Variants in EPHA1 observed in about 807,000 individuals in gnomAD.
EPHA1 encodes ephrin type-A receptor 1.
Under a neutral mutation model 110.1 loss-of-function variants are expected in EPHA1, and 92 were observed. That is an observed-to-expected ratio of 0.84 (90% CI 0.71 to 0.99). The LOEUF (loss-of-function observed/expected upper bound fraction) is 0.99. Ranked by LOEUF, EPHA1 falls within the 50% of genes least tolerant of loss-of-function variation. The probability of loss-of-function intolerance (pLI) is 0.00; values close to 1 mark genes in which losing one functional copy is unlikely to be tolerated. For missense variants in EPHA1, 1,204 were observed against 1,285.4 expected, an observed-to-expected ratio of 0.94 and a Z score of 0.97; for synonymous variants, 500 against 516.1, an observed-to-expected ratio of 0.97 and a Z score of 0.42.
At chr7:143,407,138 C>T (rs573106900) in intron 2 of EPHA1, among the ~76,000 whole-genome samples, 2 of 152,234 alleles carry the variant, frequency 1.3e-5, no homozygotes, top group East Asian at 1.9e-4. Flanking sequence ...AAAAAATGCC[C>T]GCTTACATAT....
chr7:143,402,453 C>T (rs997887520), intron 2 of EPHA1, among the ~76,000 whole-genome samples: 1 of 152,110 alleles, frequency 6.6e-6, no homozygotes, highest in African/African-American at 2.4e-5. Context: ...AGTGCAGTGG[C>T]ACAATCTTGG....
Position 143,393,718 on chromosome 7 carries a change from C to T in EPHA1, c.2649G>A (p.Leu883=), listed in dbSNP as rs1421874597. The T allele has an allele frequency of 3.7e-6, 6 of 1,613,750 alleles. No homozygotes were observed. The highest frequency in any genetic ancestry group is 5.1e-6 in the Non-Finnish European group (6 of 1,179,948). Residue 883 remains leucine, a synonymous_variant, in exon 16 of 18, where the codon CTG becomes CTA. Transcript: ENST00000275815. This position sits in a 1 kb window ranked among gnomAD's most constrained non-coding sequence, Gnocchi z 5.6. ...TCCGCAGGGAGTGGGGGTTGGCAAG[C>T]AGTTGCTCCAGATGTGCCTGAAGCT... ...FQKLQAHLEQ[L]LANPHSLRTI...
intron 2 of EPHA1, among the ~76,000 whole-genome samples, chr7:143,404,349 TG>T (rs967122050): frequency 1.6e-4 from 25 of 152,100 alleles, no homozygotes; most frequent in African/African-American, 5.5e-4. Context: ...CCCAAGTAGC[TG>T]GGACTACAGG....
Position 143,394,348 on chromosome 7 carries a change from GAA to G in EPHA1, c.2353-7_2353-6del. ...ACGGATAGGGATCTTTCCTCCCTAA[GAA>G]GGCACATGGGTCAGGGACGGAAAGT... On this transcript the variant is annotated splice_polypyrimidine_tract_variant and splice_region_variant and intron_variant, in intron 14 of 17. Coordinates refer to ENST00000275815, the MANE Select transcript of EPHA1 (RefSeq NM_005232.5). 6.2e-7 allele frequency: 1 copy of G among 1,613,416 alleles called. No individual in the cohort carries two copies. The highest frequency in any genetic ancestry group is 1.7e-5 in the Admixed American group (1 of 59,972).
rs771722161 is a variant in EPHA1, at chr7:143,399,907, G to C, written c.579C>G (p.Ala193=). Residue 193 remains alanine (A), a synonymous_variant, in exon 4 of 18, where the codon GCC becomes GCG. Transcript: ENST00000275815. ...GGTAGAAGACCCGGACAGACACCAG[G>C]GCCACACAGGCACCCGGGTTGTGGA... The part of the protein sequence containing the change: ...LAFHNPGACV[A]LVSVRVFYQR... The C allele has an allele frequency of 1.4e-5, 23 of 1,612,314 alleles. No individual in the cohort carries two copies. The highest frequency in any genetic ancestry group is 1.0e-4 in the Admixed American group (6 of 59,776).
At position 143,396,835 on chromosome 7, in the gene EPHA1, T is replaced by C. The variant is rs575906746; in HGVS notation, c.1772-325A>G. 5.9e-5 allele frequency among the ~76,000 whole-genome samples: 9 copies of C among 152,258 alleles called. No individual in the cohort carries two copies. In the South Asian group the frequency reaches 1.4e-3, roughly 24 times the overall value. Reference sequence around the variant, plus strand: ...ACTGCTCTGGTCAGTCACACCTCGTTCACATTCCCAGACAGAGCCGCGCAT... The same window carrying C: ...ACTGCTCTGGTCAGTCACACCTCGTCCACATTCCCAGACAGAGCCGCGCAT... On this transcript the variant is annotated intron_variant, in intron 10 of 17. Transcript: ENST00000275815.
intron 5 of EPHA1, 39 bp from the exon 6 acceptor site, chr7:143,398,984 G>T: frequency 6.6e-7 from 1 of 1,512,676 alleles, no homozygotes; most frequent in Non-Finnish European, 8.9e-7. Flanking sequence ...AGCCGACCTC[G>T]CTGTCACCCG....
rs766464624 is a variant in EPHA1 at position 143,393,767 on chromosome 7, C to T, written c.2600G>A (p.Arg867His). ...ELMKNCWAYD[R>H]ARRPHFQKLQ... ...CTTCTGGAAGTGTGGCCGGCGGGCA[C>T]GGTCATATGCCCAGCAGTTCTTCAT... The change falls in exon 16 of 18, where the codon CGT becomes CAT. Residue 867 changes from arginine (R) to histidine (H), a missense_variant. Transcript: ENST00000275815. The surrounding 1 kb of genome is among the most constrained non-coding windows in gnomAD (Gnocchi z 5.6). The T allele has an allele frequency of 2.5e-6, 4 of 1,613,044 alleles. No individual in the cohort carries two copies. Among genetic ancestry groups the T allele is most frequent in the South Asian group, 1.1e-5 (1 of 90,932 alleles).
Position 143,398,038 on chromosome 7 carries a change from G to T in EPHA1, c.1497C>A (p.Pro499=), listed in dbSNP as rs1343638086. Residue 499 remains proline (P), a synonymous_variant, in exon 8 of 18, where the codon CCC becomes CCA. Transcript: ENST00000275815. ...GCTGCAGCTCTGTCAGCAAGACCCT[G>T]GGTTCTAGAACCATCTGGTACCGTT... ...DEERYQMVLE[P]RVLLTELQPD... The T allele has an allele frequency of 6.2e-7, 1 of 1,614,134 alleles. No individual in the cohort carries two copies. Among genetic ancestry groups the T allele is most frequent in the South Asian group, 1.1e-5 (1 of 91,076 alleles).
intron 9 of EPHA1, 54 bp downstream of exon 9, chr7:143,397,507 G>A (rs1805287195): frequency 2.5e-6 from 4 of 1,604,208 alleles, no homozygotes; most frequent in Admixed American, 1.7e-5. Context: ...TGGGGCTGCA[G>A]TCAGGGGCTT....
Position 143,391,177 on chromosome 7 carries a change from G to A in EPHA1, c.*280C>T. Reference sequence around the variant, plus strand: ...TGGGTGGGATGGAGGCAGAAAATCAGTTCCTGTTTATTTACAAAAATATAT... The same window carrying A: ...TGGGTGGGATGGAGGCAGAAAATCAATTCCTGTTTATTTACAAAAATATAT... On this transcript the variant is annotated 3_prime_UTR_variant, in exon 18 of 18. Coordinates refer to ENST00000275815, the MANE Select transcript of EPHA1 (RefSeq NM_005232.5). 1 of 413,738 alleles carries A rather than the reference G, an allele frequency of 2.4e-6. No individual in the cohort carries two copies. 25.6% of individuals were successfully genotyped at this position (413,738 alleles called of 1,614,324 possible). A position where few individuals can be genotyped will look rare whatever the true frequency, so the allele number is the denominator to read the frequency against.
At chr7:143,400,389 C>T (rs1805385493) in intron 3 of EPHA1, among the ~76,000 whole-genome samples, 1 of 152,228 alleles carries the variant, frequency 6.6e-6, no homozygotes, top group Admixed American at 6.5e-5. Flanking sequence ...TTCTGCTATT[C>T]AGAGGCATTC....
chr7:143,407,575 G>A, intron 2 of EPHA1, 36 bp downstream of exon 2: 1 of 1,606,526 alleles, frequency 6.2e-7, no homozygotes, highest in Non-Finnish European at 8.5e-7. Context: ...TGGCCTTCAG[G>A]AGTTTTCCAA....
Position 143,395,640 on chromosome 7 carries a change from G to C in EPHA1, c.1898-136C>G. On this transcript the variant is annotated intron_variant, in intron 11 of 17. Transcript: ENST00000275815. The surrounding 1 kb of genome is among the most constrained non-coding windows in gnomAD (Gnocchi z 4.7). ...CGTGGAGTGCCCTTCCTGGGACAGG[G>C]CGTGGGCTGTCCTTCCTGGGGAAGG... 1.1e-6 allele frequency: 1 copy of C among 915,924 alleles called. No individual in the cohort carries two copies. Among genetic ancestry groups the C allele is most frequent in the Non-Finnish European group, 1.6e-6 (1 of 620,856 alleles). The allele number at this position is 915,924 out of a possible 1,614,324, so 56.7% of individuals were successfully genotyped here.
At chr7:143,392,290 C>T (rs189349164) in intron 16 of EPHA1, among the ~76,000 whole-genome samples, 97 of 152,258 alleles carry the variant, frequency 6.4e-4, no homozygotes, top group African/African-American at 2.1e-3. Flanking sequence ...TACTAAAGCT[C>T]GCCAGAGCCA....
At chr7:143,405,631 A>G (rs1323987059) in intron 2 of EPHA1, among the ~76,000 whole-genome samples, 1 of 152,134 alleles carries the variant, frequency 6.6e-6, no homozygotes, top group Non-Finnish European at 1.5e-5. Context: ...GGAGGTGTCA[A>G]GGGCCCAAGG....
In EPHA1 at chr7:143,394,220, G is replaced by T. The variant is rs767146354; in HGVS notation, c.2476C>A (p.Pro826Thr). Reference protein sequence around the residue: ...MWEVLSFGDKPYGEMSNQEVM... With the variant: ...MWEVLSFGDKTYGEMSNQEVM... ...TCCTGATTGCTCATCTCCCCATAAG[G>T]CTTGTCCCCAAAGCTCAGCACCTCC... Residue 826 changes from proline (P) to threonine (T), a missense_variant, in exon 15 of 18, where the codon CCT (proline) becomes ACT (threonine). Physicochemically the swap from Pro to Thr is conservative, Grantham distance 38. Coordinates refer to ENST00000275815, the MANE Select transcript of EPHA1 (RefSeq NM_005232.5). 29 of 1,614,022 alleles carry T rather than the reference G, an allele frequency of 1.8e-5. 1 individual carries two copies. The highest frequency in any genetic ancestry group is 2.3e-5 in the Non-Finnish European group (27 of 1,179,946).
intron 2 of EPHA1, among the ~76,000 whole-genome samples, chr7:143,405,901 G>T (rs1805536519): frequency 6.6e-6 from 1 of 152,174 alleles, no homozygotes; most frequent in Non-Finnish European, 1.5e-5. Flanking sequence ...CTCAAGTACT[G>T]GGGTAAGGAA....
Position 143,397,624 on chromosome 7 carries a change from G to A in EPHA1, c.1649C>T (p.Ala550Val), listed in dbSNP as rs779820434. Residue 550 changes from alanine to valine, a missense_variant, in exon 9 of 18, where the codon GCC becomes GTC. Physicochemically the swap from Ala to Val is moderately conservative, Grantham distance 64. Transcript: ENST00000275815. ...SRGLTGGEIV[A>V]VIFGLLLGAA... ...ACCAAGCAGCAGCCCAAAGATGACG[G>A]CTACAATCTCTCCTCCAGTCAGGCC... 6.2e-7 allele frequency: 1 copy of A among 1,614,196 alleles called. No individual in the cohort carries two copies. The highest frequency in any genetic ancestry group is 1.1e-5 in the South Asian group (1 of 91,088).
Sources: allele counts gnomAD v4.1 joint callset (sites outside exome capture counted in the v4.1 genomes callset), GRCh38; gene constraint gnomAD v4.1.1; non-coding constraint Gnocchi (gnomAD v3.1); transcripts MANE v1.5; gene names NCBI Gene and HGNC (gene_info 2026-07-23, HGNC 2026-07-21).